GALNT13: variants seen among roughly 807,000 people sequenced by gnomAD.
The protein encoded by GALNT13 is polypeptide N-acetylgalactosaminyltransferase 13.
GALNT13 carries 28 observed loss-of-function variants against 64.2 expected under a neutral mutation model. That is an observed-to-expected ratio of 0.44 (90% CI 0.32 to 0.60). The LOEUF (loss-of-function observed/expected upper bound fraction) is 0.60, where lower values mean the gene tolerates loss of function less well. GALNT13 is among the 20% of genes least tolerant of loss of function. The probability of loss-of-function intolerance (pLI) is 0.05; values close to 1 mark genes in which losing one functional copy is unlikely to be tolerated. For missense variants in GALNT13, 577 were observed against 669.8 expected, an observed-to-expected ratio of 0.86 and a Z score of 1.53; for synonymous variants, 214 against 224.6, an observed-to-expected ratio of 0.95 and a Z score of 0.42.
intron 4 of GALNT13, among the ~76,000 whole-genome samples, chr2:154,240,398 G>A (rs1405487515): frequency 6.6e-6 from 1 of 152,150 alleles, no homozygotes; most frequent in Non-Finnish European, 1.5e-5. Context: ...GTGCTCTGGG[G>A]ACCAGCAGCC....
chr2:154,350,907 A>T (rs753571291), intron 9 of GALNT13, among the ~76,000 whole-genome samples: 3 of 152,188 alleles, frequency 2.0e-5, no homozygotes, highest in Non-Finnish European at 4.4e-5. Context: ...CTTTGAGAAG[A>T]ATATTTAGAG....
chr2:154,417,061 A>C (rs1306110576), intron 11 of GALNT13, among the ~76,000 whole-genome samples: 1 of 152,064 alleles, frequency 6.6e-6, no homozygotes, highest in Admixed American at 6.6e-5. Flanking sequence ...CTGGGGATTC[A>C]TTCTACTAGT....
chr2:153,961,599 A>G (rs1184262174), intron 3 of GALNT13, among the ~76,000 whole-genome samples: 1 of 152,186 alleles, frequency 6.6e-6, no homozygotes, highest in East Asian at 1.9e-4. Context: ...TAGAATTACA[A>G]TGAAAAAATT....
the GALNT13 span, among the ~76,000 whole-genome samples, chr2:153,798,577 A>G: frequency 6.6e-6 from 1 of 152,168 alleles, no homozygotes; most frequent in Admixed American, 6.6e-5. Context: ...ACAGCATAAA[A>G]ATGTCCTGGT....
chr2:154,242,813 T>C lies in GALNT13; in HGVS notation c.594T>C (p.Ala198=). 2 of 1,614,154 alleles carry C rather than the reference T, an allele frequency of 1.2e-6. No homozygotes were observed. Among genetic ancestry groups the C allele is most frequent in the Non-Finnish European group, 1.7e-6 (2 of 1,180,004 alleles). The change falls in exon 6 of 13, where the codon GCT becomes GCC. Residue 198 remains alanine (A), a synonymous_variant. Transcript: ENST00000392825. ...GTGCCCGTCTTCGAGGAGCAGCTGCTTCAAAAGGGCAGGTCATAACTTTTC... is the reference window on the plus strand; with the variant it reads ...GTGCCCGTCTTCGAGGAGCAGCTGCCTCAAAAGGGCAGGTCATAACTTTTC... ...LIRARLRGAA[A]SKGQVITFLD... is the part of the protein sequence containing the mutation.
chr2:153,409,754 A>G, the GALNT13 span, among the ~76,000 whole-genome samples: 1 of 152,152 alleles, frequency 6.6e-6, no homozygotes, highest in Non-Finnish European at 1.5e-5. Context: ...AGTTAAGGAA[A>G]TTTCCCAGGA....
the GALNT13 span, among the ~76,000 whole-genome samples, chr2:153,100,434 G>T: frequency 6.6e-6 from 1 of 152,176 alleles, no homozygotes; most frequent in Non-Finnish European, 1.5e-5. Flanking sequence ...TCTACTTAGA[G>T]CTGTATGGAG....
chr2:153,239,571 G>C, the GALNT13 span, among the ~76,000 whole-genome samples: 4 of 152,078 alleles, frequency 2.6e-5, no homozygotes, highest in Non-Finnish European at 5.9e-5. Flanking sequence ...TGCTTTTTCA[G>C]CATCAGTTGA....
intron 4 of GALNT13, among the ~76,000 whole-genome samples, chr2:154,187,936 G>A (rs892141996): frequency 1.7e-4 from 26 of 151,580 alleles, no homozygotes; most frequent in Non-Finnish European, 3.7e-4. Flanking sequence ...TCTTAGTATT[G>A]ATGAGAAGAA....
the GALNT13 span, among the ~76,000 whole-genome samples, chr2:153,533,498 G>T: frequency 7.3e-5 from 11 of 151,722 alleles, no homozygotes; most frequent in Non-Finnish European, 1.3e-4. Flanking sequence ...GTGATCCACC[G>T]CCTCATCCTC....
At chr2:154,264,187 A>G (rs1305383531) in intron 8 of GALNT13, among the ~76,000 whole-genome samples, 2 of 152,318 alleles carry the variant, frequency 1.3e-5, no homozygotes, top group East Asian at 3.9e-4. Context: ...GTCTGAGGAA[A>G]GAACCTTCAG....
At chr2:153,430,505 G>T in the GALNT13 span, among the ~76,000 whole-genome samples, 1 of 144,938 alleles carries the variant, frequency 6.9e-6, no homozygotes, top group Non-Finnish European at 1.5e-5. Flanking sequence ...CAAATGATAG[G>T]TATTAATAGA....
chr2:153,426,133 G>A, the GALNT13 span, among the ~76,000 whole-genome samples: 1 of 151,776 alleles, frequency 6.6e-6, no homozygotes, highest in African/African-American at 2.4e-5. Context: ...AAAATGGAAA[G>A]CTCTATAAAC....
At chr2:154,103,169 A>G (rs1224357651) in intron 3 of GALNT13, among the ~76,000 whole-genome samples, 1 of 151,978 alleles carries the variant, frequency 6.6e-6, no homozygotes, top group Non-Finnish European at 1.5e-5. Flanking sequence ...ACACTACATA[A>G]TCCTCCAAGG....
At chr2:154,133,164 C>G (rs1185642460) in intron 3 of GALNT13, among the ~76,000 whole-genome samples, 3 of 152,022 alleles carry the variant, frequency 2.0e-5, no homozygotes, top group Non-Finnish European at 4.4e-5. Flanking sequence ...AATAAGTGAT[C>G]CATGATTGTA....
At position 153,947,171 on chromosome 2, in the gene GALNT13, C is replaced by T. The variant is rs192352637; in HGVS notation, c.142+2532C>T. Among the ~76,000 whole-genome samples, 311 of 152,150 alleles carry T rather than the reference C, an allele frequency of 2.0e-3. 2 individuals are homozygous for T. Among genetic ancestry groups the T allele is most frequent in the Admixed American group, 0.018 (267 of 15,248 alleles). The stretch of plus-strand genomic sequence containing the variant: ...TTTGACATATTTTCATTCATTCACT[C>T]ATTCATTATTTATTAAGTTCTTACT... On this transcript the variant is annotated intron_variant, in intron 3 of 12. Coordinates refer to ENST00000392825, the MANE Select transcript of GALNT13 (RefSeq NM_052917.4).
chr2:154,102,747 C>G (rs534429490), intron 3 of GALNT13, among the ~76,000 whole-genome samples: 4 of 152,162 alleles, frequency 2.6e-5, no homozygotes, highest in East Asian at 3.9e-4. Context: ...GAAATCTCCC[C>G]CTAATATTGT....
chr2:154,164,806 A>G (rs1684934135), intron 4 of GALNT13, among the ~76,000 whole-genome samples: 2 of 152,134 alleles, frequency 1.3e-5, no homozygotes, highest in South Asian at 4.1e-4. Context: ...ACAAATTTAG[A>G]ATTCAGAAAA....
chr2:154,065,560 AGCATCTCTGCCTG>A (rs1700416475), intron 3 of GALNT13, among the ~76,000 whole-genome samples: 1 of 152,184 alleles, frequency 6.6e-6, no homozygotes, highest in Admixed American at 6.5e-5. Context: ...GAAGAGAACA[AGCATCTCTGCCTG>A]GTAATCCAGA....
Sources: gnomAD v4.1 joint callset for allele counts (sites outside exome capture counted in the v4.1 genomes callset) on GRCh38, gnomAD v4.1.1 for gene constraint, MANE v1.5 for transcripts, NCBI Gene and HGNC (gene_info 2026-07-23, HGNC 2026-07-21) for gene names.